Variants in TRHDE observed in about 807,000 individuals in gnomAD.
TRHDE encodes the protein thyrotropin-releasing hormone-degrading ectoenzyme.
A neutral mutation model predicts 125.7 loss-of-function variants in TRHDE; 72 were observed. The observed-to-expected ratio is 0.57, with a 90% confidence interval of 0.47 to 0.70. The LOEUF (loss-of-function observed/expected upper bound fraction) is 0.70. Ranked by LOEUF, TRHDE falls within the 30% of genes least tolerant of loss-of-function variation. The probability of loss-of-function intolerance (pLI) is 0.00; values close to 1 mark genes in which losing one functional copy is unlikely to be tolerated. For synonymous variants in TRHDE, 509 were observed against 509.1 expected, an observed-to-expected ratio of 1.00 and a Z score of 0.00; for missense variants, 1,110 against 1,327.1, an observed-to-expected ratio of 0.84 and a Z score of 2.54.
At chr12:72,197,939 G>T (rs1172156372) in intron 2 of TRHDE, among the ~76,000 whole-genome samples, 1 of 151,578 alleles carries the variant, frequency 6.6e-6, no homozygotes, top group East Asian at 1.9e-4. Context: ...TAATGCACAT[G>T]CCCATACTCA....
intron 15 of TRHDE, among the ~76,000 whole-genome samples, chr12:72,628,815 A>G (rs1332255006): frequency 6.6e-6 from 1 of 151,890 alleles, no homozygotes; most frequent in Admixed American, 6.6e-5. Flanking sequence ...GTCTTCATAT[A>G]TTACAATTAA....
intron 2 of TRHDE, among the ~76,000 whole-genome samples, chr12:72,369,477 A>T (rs903982947): frequency 3.3e-5 from 5 of 152,132 alleles, no homozygotes; most frequent in Non-Finnish European, 7.4e-5. Flanking sequence ...AAGGAGTAAA[A>T]CTGTGTCAGG....
At chr12:72,121,720 C>CT (rs57483232) in intron 2 of TRHDE, among the ~76,000 whole-genome samples, 1,147 of 111,942 alleles carry the variant, frequency 0.01, 12 homozygotes, top group Non-Finnish European at 0.013. Flanking sequence ...ACGAAGGTGC[C>CT]TTTTTTTTTT....
chr12:72,210,845 T>G (rs567854547), intron 2 of TRHDE, among the ~76,000 whole-genome samples: 2 of 152,358 alleles, frequency 1.3e-5, no homozygotes, highest in South Asian at 4.1e-4. Context: ...TTCCTTTTTC[T>G]TTCAACTATT....
chr12:72,398,695 A>G (rs1343935312), intron 3 of TRHDE, among the ~76,000 whole-genome samples: 1 of 152,210 alleles, frequency 6.6e-6, no homozygotes, highest in Non-Finnish European at 1.5e-5. Context: ...GCAGAACAGC[A>G]TTTTTAATAA....
At chr12:72,581,282 G>A (rs1048121536) in intron 12 of TRHDE, among the ~76,000 whole-genome samples, 1 of 152,166 alleles carries the variant, frequency 6.6e-6, no homozygotes, top group Admixed American at 6.5e-5. Flanking sequence ...AACGGGTTGG[G>A]TATTTAAAGC....
At chr12:72,593,963 C>T (rs1453298581) in intron 12 of TRHDE, among the ~76,000 whole-genome samples, 2 of 152,086 alleles carry the variant, frequency 1.3e-5, no homozygotes, top group Non-Finnish European at 2.9e-5. Context: ...GTGAATAGTG[C>T]CACAATAAAC....
chr12:72,144,222 G>A (rs930925398), intron 2 of TRHDE, among the ~76,000 whole-genome samples: 12 of 152,126 alleles, frequency 7.9e-5, no homozygotes, highest in Admixed American at 5.2e-4. Flanking sequence ...TAGGGGCCAC[G>A]GTAGGACTCA....
chr12:72,137,692 A>G (rs1343501512), intron 2 of TRHDE: 1 of 152,234 alleles, frequency 6.6e-6, no homozygotes, highest in African/African-American at 2.4e-5. Context: ...CTGATCAGTT[A>G]GAACTATTCT....
chr12:72,311,203 AT>A (rs371883338), intron 2 of TRHDE, among the ~76,000 whole-genome samples: 268 of 149,662 alleles, frequency 1.8e-3, no homozygotes, highest in African/African-American at 6.1e-3. Context: ...GCAACCACTG[AT>A]TTTTTTTTTC....
At chr12:72,152,747 C>T (rs1029992677) in intron 2 of TRHDE, among the ~76,000 whole-genome samples, 4 of 152,078 alleles carry the variant, frequency 2.6e-5, no homozygotes, top group African/African-American at 9.7e-5. Flanking sequence ...GGATGAAGCC[C>T]ACTTGATCAT....
intron 2 of TRHDE, among the ~76,000 whole-genome samples, chr12:72,293,634 G>C (rs184483453): frequency 1.3e-5 from 2 of 152,224 alleles, no homozygotes; most frequent in African/African-American, 4.8e-5. Context: ...CAAACTCATA[G>C]GGAGTGAGTT....
At chr12:72,134,207 G>A (rs931479763) in intron 2 of TRHDE, among the ~76,000 whole-genome samples, 1 of 152,020 alleles carries the variant, frequency 6.6e-6, no homozygotes, top group Non-Finnish European at 1.5e-5. Context: ...TCCTTGGTCT[G>A]TTTTTTTCCC....
intron 12 of TRHDE, among the ~76,000 whole-genome samples, chr12:72,598,558 C>T (rs1403747346): frequency 6.6e-6 from 1 of 152,124 alleles, no homozygotes; most frequent in Non-Finnish European, 1.5e-5. Context: ...GTCCCTTATA[C>T]AACCAAGTCT....
At chr12:72,109,315 T>G (rs1875263381) in intron 2 of TRHDE, among the ~76,000 whole-genome samples, 1 of 152,098 alleles carries the variant, frequency 6.6e-6, no homozygotes, top group South Asian at 2.1e-4. Context: ...ATTTTTGCTC[T>G]TAATCTCTTA....
intron 6 of TRHDE, among the ~76,000 whole-genome samples, chr12:72,517,659 A>G (rs1294773980): frequency 6.6e-6 from 1 of 151,504 alleles, no homozygotes; most frequent in Non-Finnish European, 1.5e-5. Flanking sequence ...TTCTGCTCTG[A>G]TTTTAGTTAT....
intron 2 of TRHDE, among the ~76,000 whole-genome samples, chr12:72,333,990 G>A (rs1476736217): frequency 6.6e-6 from 1 of 151,742 alleles, no homozygotes. Flanking sequence ...AGTGGAATGG[G>A]TATAATTTTA....
At chr12:72,521,048 C>T (rs1476126389) in intron 6 of TRHDE, among the ~76,000 whole-genome samples, 1 of 152,168 alleles carries the variant, frequency 6.6e-6, no homozygotes, top group East Asian at 1.9e-4. Flanking sequence ...TCAGCTCAAC[C>T]TTCCTGAATC....
At chr12:72,440,264 C>T (rs1368268996) in intron 3 of TRHDE, among the ~76,000 whole-genome samples, 2 of 151,746 alleles carry the variant, frequency 1.3e-5, no homozygotes, top group African/African-American at 2.4e-5. Flanking sequence ...CAGTGCTATG[C>T]TCTTGTATTC....
Sources: gnomAD v4.1 joint callset for allele counts (sites outside exome capture counted in the v4.1 genomes callset) on GRCh38, gnomAD v4.1.1 for gene constraint, MANE v1.5 for transcripts, NCBI Gene and HGNC (gene_info 2026-07-23, HGNC 2026-07-21) for gene names.